Variants in PTPRN2 observed in about 807,000 individuals in gnomAD.
PTPRN2 encodes protein tyrosine phosphatase receptor type N2.
A neutral mutation model predicts 118.8 loss-of-function variants in PTPRN2; 74 were observed. That is an observed-to-expected ratio of 0.62 (90% CI 0.52 to 0.76). The LOEUF (loss-of-function observed/expected upper bound fraction) is 0.76, where lower values mean the gene tolerates loss of function less well. PTPRN2 is among the 30% of genes least tolerant of loss of function. The pLI, the probability that PTPRN2 is intolerant of heterozygous loss-of-function variation, is 0.00. For missense variants in PTPRN2, 1,481 were observed against 1,394.4 expected (o/e 1.06, Z -0.99); for synonymous variants, 641 against 608.0 (o/e 1.05, Z -0.80).
At chr7:157,626,360 A>G (rs905063963) in intron 14 of PTPRN2, among the ~76,000 whole-genome samples, 23 of 152,330 alleles carry the variant, frequency 1.5e-4, no homozygotes, top group Non-Finnish European at 2.6e-4. Flanking sequence ...TTTCTATCCC[A>G]TAAGACTGCT....
chr7:157,771,879 AACAC>A (rs762840559), intron 12 of PTPRN2, among the ~76,000 whole-genome samples: 137 of 150,548 alleles, frequency 9.1e-4, no homozygotes, highest in Middle Eastern at 3.4e-3. Flanking sequence ...GGCACACATG[AACAC>A]ACACAGACAC....
chr7:158,410,347 G>C (rs1417913933), intron 2 of PTPRN2, among the ~76,000 whole-genome samples: 3 of 152,188 alleles, frequency 2.0e-5, no homozygotes, highest in Non-Finnish European at 4.4e-5. Context: ...ATGAGGTCAC[G>C]ATGCCAGAGT....
intron 1 of PTPRN2, among the ~76,000 whole-genome samples, chr7:158,524,025 T>G (rs1824538491): frequency 1.1e-5 from 1 of 87,668 alleles, no homozygotes; most frequent in East Asian, 4.8e-4. Flanking sequence ...AGTGGAGTCG[T>G]CTGCCCTGGA....
intron 11 of PTPRN2, among the ~76,000 whole-genome samples, chr7:157,908,775 A>G (rs183106220): frequency 2.0e-5 from 3 of 152,368 alleles, no homozygotes; most frequent in African/African-American, 4.8e-5. Context: ...AATACTTTTG[A>G]TTGAAAATTT....
intron 5 of PTPRN2, among the ~76,000 whole-genome samples, chr7:158,175,349 C>T (rs558092654): frequency 6.6e-5 from 10 of 152,276 alleles, no homozygotes; most frequent in African/African-American, 1.7e-4. Flanking sequence ...GCTGCAGCTC[C>T]GGCTCCGGCT....
rs1472114557 is a variant in PTPRN2, at chr7:158,570,712, C to G, written c.112+16846G>C. Among the ~76,000 whole-genome samples the G allele has an allele frequency of 6.6e-6, 1 of 152,246 alleles. No homozygotes were observed. The highest frequency in any genetic ancestry group is 1.9e-4 in the East Asian group (1 of 5,196). ...CGCGGCTGGGTACGGTTTGCAACGC[C>G]GAGAGCCCGCGGAGAAGCTTGAGCC... On this transcript the variant is annotated intron_variant, in intron 1 of 22. Coordinates refer to ENST00000389418, the MANE Select transcript of PTPRN2 (RefSeq NM_002847.5). The surrounding 1 kb of genome is among the most constrained non-coding windows in gnomAD (Gnocchi z 4.5).
chr7:158,002,775 G>A (rs1389342871), intron 11 of PTPRN2, among the ~76,000 whole-genome samples: 1 of 152,192 alleles, frequency 6.6e-6, no homozygotes, highest in Non-Finnish European at 1.5e-5. Flanking sequence ...AGGAACTCCC[G>A]GCTGCCTCAA....
At chr7:158,205,764 C>G (rs1827089136) in intron 3 of PTPRN2, among the ~76,000 whole-genome samples, 2 of 152,170 alleles carry the variant, frequency 1.3e-5, no homozygotes, top group African/African-American at 4.8e-5. Context: ...AGAGAGAACG[C>G]ATGCACTTGG....
intron 6 of PTPRN2, among the ~76,000 whole-genome samples, chr7:158,165,772 G>A (rs1434536124): frequency 3.3e-5 from 5 of 152,204 alleles, no homozygotes; most frequent in African/African-American, 1.2e-4. Context: ...GAAATAAATG[G>A]GTCGGAACCT....
intron 2 of PTPRN2, among the ~76,000 whole-genome samples, chr7:158,440,833 G>A (rs557768915): frequency 4.0e-4 from 55 of 135,808 alleles, no homozygotes; most frequent in African/African-American, 1.5e-3. Context: ...GGTGGTGGTG[G>A]TGATGGCAGT....
chr7:157,902,091 C>T (rs536420413), intron 11 of PTPRN2, among the ~76,000 whole-genome samples: 13 of 152,368 alleles, frequency 8.5e-5, no homozygotes, highest in East Asian at 1.9e-4. Flanking sequence ...AGGCAACTCC[C>T]GCCACCCTGA....
intron 12 of PTPRN2, among the ~76,000 whole-genome samples, chr7:157,725,075 A>T (rs1799451303): frequency 6.6e-6 from 1 of 152,236 alleles, no homozygotes; most frequent in South Asian, 2.1e-4. Context: ...AAATAAACTG[A>T]CTTTTAAAAA....
chr7:158,348,290 C>A (rs1448120607), intron 2 of PTPRN2, among the ~76,000 whole-genome samples: 1 of 144,968 alleles, frequency 6.9e-6, no homozygotes, highest in South Asian at 2.1e-4. Context: ...AGCCCCAGAG[C>A]CACCCTGGGT....
chr7:157,840,401 C>T lies in PTPRN2; in HGVS notation c.1788+58272G>A, dbSNP rs865959725. Among the ~76,000 whole-genome samples the T allele has an allele frequency of 7.4e-3, 891 of 121,050 alleles. 12 individuals carry two copies. The highest frequency in any genetic ancestry group is 0.019 in the African/African-American group (516 of 26,770). The allele number at this position is 121,050 out of a possible 152,430, so 79.4% of individuals were successfully genotyped here. ...GTGTGACCGCGTGTGACTGTGTGAC[C>T]GTGTGTGACTGTGTGACTGTGTGTG... On this transcript the variant is annotated intron_variant, in intron 12 of 22. Coordinates refer to ENST00000389418, the MANE Select transcript of PTPRN2 (RefSeq NM_002847.5).
intron 6 of PTPRN2, among the ~76,000 whole-genome samples, chr7:158,145,490 C>G (rs570454239): frequency 6.6e-6 from 1 of 152,214 alleles, no homozygotes; most frequent in African/African-American, 2.4e-5. Context: ...GTTTGGGGAA[C>G]TGGCAGGCAT....
intron 12 of PTPRN2, among the ~76,000 whole-genome samples, chr7:157,686,945 G>C (rs944992480): frequency 2.6e-5 from 4 of 152,126 alleles, no homozygotes. Flanking sequence ...GATCTATCTT[G>C]AGAATAAGAT....
chr7:157,860,016 C>T (rs1354282227), intron 12 of PTPRN2, among the ~76,000 whole-genome samples: 1 of 152,028 alleles, frequency 6.6e-6, no homozygotes, highest in Non-Finnish European at 1.5e-5. Context: ...GGGAGAGCCC[C>T]AGCCACTGTA....
intron 11 of PTPRN2, among the ~76,000 whole-genome samples, chr7:157,907,904 T>C (rs1797869600): frequency 6.6e-6 from 1 of 152,144 alleles, no homozygotes; most frequent in African/African-American, 2.4e-5. Flanking sequence ...ACCTGTCTTC[T>C]TGCCACTTCC....
At chr7:158,331,127 T>G (rs1273928339) in intron 2 of PTPRN2, among the ~76,000 whole-genome samples, 3 of 141,512 alleles carry the variant, frequency 2.1e-5, no homozygotes, top group Admixed American at 1.4e-4. Flanking sequence ...ACTCTCACCA[T>G]AAGAGCTGAC....
Sources: gnomAD v4.1 joint callset for allele counts (sites outside exome capture counted in the v4.1 genomes callset) on GRCh38, gnomAD v4.1.1 for gene constraint, Gnocchi (gnomAD v3.1) non-coding constraint, MANE v1.5 for transcripts, NCBI Gene and HGNC (gene_info 2026-07-23, HGNC 2026-07-21) for gene names.